Variants in SETBP1 observed in about 807,000 individuals in gnomAD.
SETBP1 encodes the protein SET binding protein 1.
SETBP1 carries 9 observed loss-of-function variants against 101.0 expected under a neutral mutation model. That is an observed-to-expected ratio of 0.09 (90% CI 0.05 to 0.16). The LOEUF (loss-of-function observed/expected upper bound fraction) is 0.16. SETBP1 is among the 10% of genes least tolerant of loss of function. The pLI is 1.00. For missense variants in SETBP1, 1,858 were observed against 2,033.8 expected (o/e 0.91, Z 1.66); for synonymous variants, 818 against 788.5 (o/e 1.04, Z -0.63).
At chr18:44,863,259 A>G (rs1312951678) in intron 2 of SETBP1, among the ~76,000 whole-genome samples, 3 of 152,120 alleles carry the variant, frequency 2.0e-5, no homozygotes, top group Non-Finnish European at 4.4e-5. Flanking sequence ...TGCCTGTTTC[A>G]GAGTCCCCAG....
intron 2 of SETBP1, among the ~76,000 whole-genome samples, chr18:44,805,026 G>A (rs1673292259): frequency 6.6e-6 from 1 of 152,010 alleles, no homozygotes; most frequent in Non-Finnish European, 1.5e-5. Context: ...CAGGATCCTG[G>A]CCTCCCCTGG....
intron 1 of SETBP1, chr18:44,697,218 A>AGGACTCGCAGTTGATACCC (rs2069033428): frequency 1.3e-5 from 2 of 152,246 alleles, no homozygotes; most frequent in African/African-American, 4.8e-5. Flanking sequence ...GAATCACAAG[A>AGGACTCGCAGTTGATACCC]GGACTCGCAG....
At chr18:45,024,629 A>G (rs1488379267) in intron 4 of SETBP1, among the ~76,000 whole-genome samples, 4 of 152,216 alleles carry the variant, frequency 2.6e-5, no homozygotes, top group Non-Finnish European at 5.9e-5. Flanking sequence ...TTAACTCGTC[A>G]GTCTTGCTAC....
intron 3 of SETBP1, among the ~76,000 whole-genome samples, chr18:44,948,572 A>C (rs578008787): frequency 1.3e-5 from 2 of 152,128 alleles, no homozygotes; most frequent in Admixed American, 1.3e-4. Context: ...AAATTCATGA[A>C]GCCAGTCATC....
At chr18:44,706,290 G>T (rs1435686112) in intron 2 of SETBP1, among the ~76,000 whole-genome samples, 1 of 152,044 alleles carries the variant, frequency 6.6e-6, no homozygotes, top group Non-Finnish European at 1.5e-5. Flanking sequence ...GTCTCTGGAA[G>T]AATGTTCCAG....
At chr18:44,764,457 C>T (rs1482048776) in intron 2 of SETBP1, among the ~76,000 whole-genome samples, 1 of 151,930 alleles carries the variant, frequency 6.6e-6, no homozygotes, top group Non-Finnish European at 1.5e-5. Flanking sequence ...CTTTCTTCTT[C>T]TTTCTTCGTT....
At chr18:45,008,710 T>C (rs565269469) in intron 4 of SETBP1, among the ~76,000 whole-genome samples, 2 of 152,248 alleles carry the variant, frequency 1.3e-5, no homozygotes, top group Admixed American at 6.5e-5. Flanking sequence ...CAGAACTCCA[T>C]GGTTTTCATT....
Position 44,876,865 on chromosome 18 carries a change from T to C in SETBP1, c.540+7582T>C, listed in dbSNP as rs78129599. On this transcript the variant is annotated intron_variant, in intron 3 of 5. Transcript: ENST00000649279. ...TAGTGAGTGACAGCATTTGGGCTTA[T>C]GATCTTCTCTGCCTGCTAGCTAGAC... 4.5e-3 allele frequency: 6,426 copies of C among 1,413,412 alleles called. 22 individuals are homozygous for C. Among genetic ancestry groups the C allele is most frequent in the Non-Finnish European group, 5.1e-3 (5,469 of 1,080,900 alleles). 87.6% of individuals were successfully genotyped at this position (1,413,412 alleles called of 1,614,324 possible).
At chr18:44,990,316 AG>A (rs1419791313) in intron 4 of SETBP1, among the ~76,000 whole-genome samples, 1 of 152,188 alleles carries the variant, frequency 6.6e-6, no homozygotes, top group Non-Finnish European at 1.5e-5. Flanking sequence ...AACATTGGCC[AG>A]GGGCAGGAGC....
intron 3 of SETBP1, 128 bp downstream of exon 3, chr18:44,869,411 A>T (rs2069217331): frequency 1.2e-6 from 1 of 831,324 alleles, no homozygotes; most frequent in African/African-American, 1.7e-5. Context: ...TCCCTAGCTA[A>T]CTGACAATGA....
At chr18:44,718,400 G>A (rs755188432) in intron 2 of SETBP1, among the ~76,000 whole-genome samples, 5 of 152,138 alleles carry the variant, frequency 3.3e-5, no homozygotes, top group Non-Finnish European at 7.3e-5. Flanking sequence ...CAGGAGGAGC[G>A]GGAGAAGTGT....
At chr18:44,828,145 C>T (rs1040043182) in intron 2 of SETBP1, among the ~76,000 whole-genome samples, 5 of 152,114 alleles carry the variant, frequency 3.3e-5, no homozygotes, top group Non-Finnish European at 1.5e-5. Flanking sequence ...ATTGAAATGT[C>T]CCTTTGTTGT....
chr18:45,018,416 C>G (rs1174427398), intron 4 of SETBP1, among the ~76,000 whole-genome samples: 1 of 152,172 alleles, frequency 6.6e-6, no homozygotes, highest in African/African-American at 2.4e-5. Flanking sequence ...ACACTGTGTA[C>G]TTCCATTAAA....
At chr18:44,758,064 A>G (rs7235315) in intron 2 of SETBP1, among the ~76,000 whole-genome samples, 13,045 of 152,114 alleles carry the variant, frequency 0.086, 607 homozygotes, top group Admixed American at 0.14. Flanking sequence ...CAGGAGGGAG[A>G]ACAGGGAAAT....
chr18:44,717,319 G>A (rs1344142492), intron 2 of SETBP1, among the ~76,000 whole-genome samples: 1 of 152,220 alleles, frequency 6.6e-6, no homozygotes, highest in Non-Finnish European at 1.5e-5. Flanking sequence ...TAGATGCCAG[G>A]GAAACGAGAG....
At chr18:44,712,159 A>G (rs2069361699) in intron 2 of SETBP1, among the ~76,000 whole-genome samples, 1 of 151,842 alleles carries the variant, frequency 6.6e-6, no homozygotes, top group South Asian at 2.1e-4. Flanking sequence ...TGTTTTCTAG[A>G]CCTTGTTTAT....
chr18:44,704,717 G>A (rs1410191127), intron 2 of SETBP1, among the ~76,000 whole-genome samples: 2 of 152,226 alleles, frequency 1.3e-5, no homozygotes, highest in African/African-American at 4.8e-5. Flanking sequence ...TACTATGTGT[G>A]TGGAAAAGTT....
At chr18:44,987,472 C>G (rs148837926) in intron 4 of SETBP1, 1 of 152,302 alleles carries the variant, frequency 6.6e-6, no homozygotes, top group Non-Finnish European at 1.5e-5. Flanking sequence ...CTTTGGAGCT[C>G]TCTTGGAAAT....
At chr18:44,906,332 C>T (rs2070174749) in intron 3 of SETBP1, among the ~76,000 whole-genome samples, 1 of 152,172 alleles carries the variant, frequency 6.6e-6, no homozygotes, top group African/African-American at 2.4e-5. Context: ...TCCTAGCAGC[C>T]ACTAAAGTGA....
Sources: allele counts gnomAD v4.1 joint callset (sites outside exome capture counted in the v4.1 genomes callset), GRCh38; gene constraint gnomAD v4.1.1; transcripts MANE v1.5; gene names NCBI Gene and HGNC (gene_info 2026-07-23, HGNC 2026-07-21).